LRFN2: variants seen among roughly 807,000 people sequenced by gnomAD.
The protein encoded by LRFN2 is leucine rich repeat and fibronectin type III domain containing 2.
Under a neutral mutation model 37.3 loss-of-function variants are expected in LRFN2, and 18 were observed. That is an observed-to-expected ratio of 0.48 (90% CI 0.33 to 0.72). The LOEUF (loss-of-function observed/expected upper bound fraction) is 0.72. LRFN2 is among the 30% of genes least tolerant of loss of function. The pLI, the probability that LRFN2 is intolerant of heterozygous loss-of-function variation, is 0.02. For missense variants in LRFN2, 1,006 were observed against 1,060.7 expected (o/e 0.95, Z 0.72); for synonymous variants, 556 against 466.6 (o/e 1.19, Z -2.47).
chr6:40,531,651 C>T (rs547802364), intron 1 of LRFN2, among the ~76,000 whole-genome samples: 12 of 152,202 alleles, frequency 7.9e-5, no homozygotes, highest in African/African-American at 2.4e-4. Flanking sequence ...TATCTGTGTG[C>T]CAGTTTTTGT....
intron 1 of LRFN2, among the ~76,000 whole-genome samples, chr6:40,574,898 G>T (rs890793377): frequency 6.6e-6 from 1 of 152,126 alleles, no homozygotes; most frequent in Non-Finnish European, 1.5e-5. Flanking sequence ...CCCCAATAAG[G>T]GGCATGCAGA....
intron 1 of LRFN2, among the ~76,000 whole-genome samples, chr6:40,548,810 A>G (rs1457296713): frequency 1.3e-5 from 2 of 152,202 alleles, no homozygotes; most frequent in South Asian, 2.1e-4. Context: ...TAGAGCTGCT[A>G]TAGCCATCTT....
chr6:40,505,096 T>C (rs1457910167), intron 1 of LRFN2, among the ~76,000 whole-genome samples: 1 of 152,228 alleles, frequency 6.6e-6, no homozygotes, highest in Non-Finnish European at 1.5e-5. Flanking sequence ...AAGCAGCCAG[T>C]GGGCTCTGTC....
intron 2 of LRFN2, among the ~76,000 whole-genome samples, chr6:40,415,553 C>G (rs1581687922): frequency 6.6e-6 from 1 of 152,308 alleles, no homozygotes; most frequent in East Asian, 1.9e-4. Flanking sequence ...TCTGGATCAC[C>G]TCTTCCAGGA....
In LRFN2 at chr6:40,392,067, G is replaced by T. The variant is rs878946183; in HGVS notation, c.2246C>A (p.Ser749Ter). The stretch of plus-strand genomic sequence containing the variant: ...GAGGCTGCGCTTCGTCCAGATGTTC[G>T]AGACCTTCCGAGGAGGACTGTAGCC... ...PGGYSPPRKVSNIWTKRSLSV... is the reference protein window; with the variant it reads ...PGGYSPPRKV Residue 749 changes from serine (S) to a stop codon, truncating the protein, a stop_gained, in exon 3 of 3, where the codon TCG becomes TAG. Transcript: ENST00000338305. LOFTEE classifies it high-confidence loss of function. This position sits in a 1 kb window ranked among gnomAD's most constrained non-coding sequence, Gnocchi z 4.7. The T allele has an allele frequency of 6.2e-7, 1 of 1,614,042 alleles. No individual in the cohort carries two copies. Among genetic ancestry groups the T allele is most frequent in the East Asian group, 2.2e-5 (1 of 44,874 alleles).
chr6:40,422,506 G>T (rs1197605806), intron 2 of LRFN2, among the ~76,000 whole-genome samples: 1 of 151,464 alleles, frequency 6.6e-6, no homozygotes, highest in Non-Finnish European at 1.5e-5. Flanking sequence ...TGGGAAACAT[G>T]GGTGGTAGGA....
intron 1 of LRFN2, among the ~76,000 whole-genome samples, chr6:40,555,727 C>T (rs1377026804): frequency 6.6e-6 from 1 of 152,128 alleles, no homozygotes; most frequent in African/African-American, 2.4e-5. Flanking sequence ...AGCCCTGCCC[C>T]CACCCCCATG....
intron 1 of LRFN2, among the ~76,000 whole-genome samples, chr6:40,564,182 C>T (rs553980530): frequency 6.6e-6 from 1 of 152,238 alleles, no homozygotes; most frequent in East Asian, 1.9e-4. Flanking sequence ...CCTATATTAG[C>T]CATCTGTGAG....
intron 2 of LRFN2, among the ~76,000 whole-genome samples, chr6:40,431,163 A>G (rs1763469903): frequency 6.6e-6 from 1 of 151,980 alleles, no homozygotes; most frequent in Non-Finnish European, 1.5e-5. Flanking sequence ...GCATTTAGTG[A>G]GTGTCCAAAC....
At chr6:40,498,261 G>C (rs912254238) in intron 1 of LRFN2, among the ~76,000 whole-genome samples, 2 of 152,116 alleles carry the variant, frequency 1.3e-5, no homozygotes, top group Non-Finnish European at 2.9e-5. Context: ...TAAATAATGA[G>C]TCTCTCTGCC....
At chr6:40,493,722 T>G (rs760197260) in intron 1 of LRFN2, among the ~76,000 whole-genome samples, 4 of 152,230 alleles carry the variant, frequency 2.6e-5, no homozygotes, top group Non-Finnish European at 5.9e-5. Flanking sequence ...ACTGATGTCT[T>G]GCTTGGACAG....
chr6:40,530,804 C>T (rs1581780940), intron 1 of LRFN2, among the ~76,000 whole-genome samples: 1 of 152,090 alleles, frequency 6.6e-6, no homozygotes, highest in Non-Finnish European at 1.5e-5. Flanking sequence ...TCACACCTGC[C>T]CTTGACTGTC....
chr6:40,556,330 C>CCCCTCTT (rs1766877252), intron 1 of LRFN2, among the ~76,000 whole-genome samples: 2 of 152,200 alleles, frequency 1.3e-5, no homozygotes, highest in Admixed American at 6.5e-5. Context: ...CCCTGACAGG[C>CCCCTCTT]CCCTCTTGCC....
In LRFN2 at chr6:40,457,637, TAAAAAAAA is replaced by T. The variant is rs70984171; in HGVS notation, c.-18-24514_-18-24507del. ...CTAGGCAACAAAGAAAGACCCTGTT[TAAAAAAAA>T]AAAAAAAAAAAAAAGAGAGGGAGAG... is the stretch of plus-strand genomic sequence containing the variant. On this transcript the variant is annotated intron_variant, in intron 1 of 2. Transcript: ENST00000338305. Among the ~76,000 whole-genome samples the T allele has an allele frequency of 3.9e-5, 4 of 101,398 alleles. No individual in the cohort carries two copies. In the East Asian group the frequency reaches 1.2e-3, roughly 31 times the overall value. The allele number at this position is 101,398 out of a possible 152,430, so 66.5% of individuals were successfully genotyped here.
At position 40,426,720 on chromosome 6, in the gene LRFN2, C is replaced by T. The variant is rs561460639; in HGVS notation, c.1400+4994G>A. 1.6e-4 allele frequency among the ~76,000 whole-genome samples: 25 copies of T among 152,274 alleles called. No homozygotes were observed. In the South Asian group the frequency reaches 5.2e-3, roughly 32 times the overall value. ...GAATAAGTTAAAGGAGCCATGAGTT[C>T]TTTTCTAAGTCCTCTAATCTCCAAG... is the stretch of plus-strand genomic sequence containing the variant. On this transcript the variant is annotated intron_variant, in intron 2 of 2. Transcript: ENST00000338305.
rs371754423 is a variant in LRFN2, at chr6:40,392,599, C to A, written c.1714G>T (p.Val572Leu). Residue 572 changes from valine (V) to leucine (L), a missense_variant, in exon 3 of 3, where the codon GTG becomes TTG. Physicochemically the swap from Val to Leu is conservative, Grantham distance 32. Around this residue, in one of 4 missense-constraint regions of LRFN2, gnomAD observed 398 missense variants for 327.6 expected, o/e 1.21. Coordinates refer to ENST00000338305, the MANE Select transcript of LRFN2 (RefSeq NM_020737.3). This position sits in a 1 kb window ranked among gnomAD's most constrained non-coding sequence, Gnocchi z 4.7. ...TTGGTCTGCGAGTACACATTGCTCA[C>A]GGCCGCTGCCATCTTGCTGGGGGCC... ...HEAPSKMAAAVSNVYSQTNGA... is the reference protein window; with the variant it reads ...HEAPSKMAAALSNVYSQTNGA... The A allele has an allele frequency of 5.0e-6, 8 of 1,609,038 alleles. No homozygotes were observed. The East Asian group carries it at 6.7e-5, about 13-fold the overall frequency.
intron 1 of LRFN2, among the ~76,000 whole-genome samples, chr6:40,457,480 G>A (rs1764257934): frequency 6.6e-6 from 1 of 151,818 alleles, no homozygotes; most frequent in Non-Finnish European, 1.5e-5. Context: ...CATCAGAAAT[G>A]AGAAAACTCA....
intron 1 of LRFN2, among the ~76,000 whole-genome samples, chr6:40,565,483 T>C (rs1034009119): frequency 6.6e-6 from 1 of 152,162 alleles, no homozygotes; most frequent in Non-Finnish European, 1.5e-5. Flanking sequence ...GACTTCAAAC[T>C]ATACTACAAG....
intron 2 of LRFN2, among the ~76,000 whole-genome samples, chr6:40,406,157 C>G (rs112056728): frequency 2.6e-5 from 4 of 152,226 alleles, no homozygotes; most frequent in Non-Finnish European, 5.9e-5. Flanking sequence ...GGGCAAGCCA[C>G]GTAACCACCC....
Sources: allele counts gnomAD v4.1 joint callset (sites outside exome capture counted in the v4.1 genomes callset), GRCh38; gene constraint gnomAD v4.1.1; regional missense constraint gnomAD v4.1.1; non-coding constraint Gnocchi (gnomAD v3.1); transcripts MANE v1.5; gene names NCBI Gene and HGNC (gene_info 2026-07-23, HGNC 2026-07-21).